The following SCFD1 variants were observed in gnomAD, a reference collection of about 807,000 sequenced individuals.
SCFD1 encodes sec1 family domain-containing protein 1.
A neutral mutation model predicts 103.2 loss-of-function variants in SCFD1; 37 were observed. That is an observed-to-expected ratio of 0.36 (90% CI 0.28 to 0.47). The LOEUF (loss-of-function observed/expected upper bound fraction) is 0.47. SCFD1 is among the 20% of genes least tolerant of loss of function. SCFD1 has a pLI of 1.00. For missense variants in SCFD1, 639 were observed against 761.2 expected (o/e 0.84, Z 1.89); for synonymous variants, 264 against 245.0 (o/e 1.08, Z -0.73).
At chr14:30,728,835 T>TC (rs1893234436) in intron 23 of SCFD1, among the ~76,000 whole-genome samples, 1 of 141,992 alleles carries the variant, frequency 7.0e-6, no homozygotes, top group African/African-American at 2.7e-5. Context: ...AGATCCTTTG[T>TC]CCCTTTTTTT....
intron 14 of SCFD1, 21 bp downstream of exon 14, chr14:30,675,086 C>T (rs768397242): frequency 7.3e-7 from 1 of 1,367,988 alleles, no homozygotes; most frequent in Non-Finnish European, 1.0e-6. Context: ...CTTTTTCCCC[C>T]CCACAATATG....
intron 3 of SCFD1, among the ~76,000 whole-genome samples, chr14:30,632,649 T>C (rs1305122044): frequency 6.6e-6 from 1 of 152,190 alleles, no homozygotes; most frequent in East Asian, 1.9e-4. Flanking sequence ...TTGAGTGCCA[T>C]TGTCTCTGTA....
At position 30,735,626 on chromosome 14, in the gene SCFD1, T is replaced by TATGA. The variant is rs748031959; in HGVS notation, c.*18_*21dup. The TATGA allele has an allele frequency of 6.0e-5, 95 of 1,571,014 alleles. No homozygotes were observed. In the African/African-American group the frequency reaches 1.2e-3, roughly 19 times the overall value. ...CAAAAGTAACACAGAAGAACCTTAC[T>TATGA]ATGATAATCTACTTGGAATGTGGAT... On this transcript the variant is annotated 3_prime_UTR_variant, in exon 25 of 25. Coordinates refer to ENST00000458591, the MANE Select transcript of SCFD1 (RefSeq NM_016106.4).
At chr14:30,658,711 C>T (rs1411449143) in intron 10 of SCFD1, among the ~76,000 whole-genome samples, 1 of 152,054 alleles carries the variant, frequency 6.6e-6, no homozygotes, top group African/African-American at 2.4e-5. Flanking sequence ...AGCTAATGCA[C>T]CTAGCTAAGG....
At chr14:30,735,005 G>A (rs1893739640) in intron 24 of SCFD1, 147 bp downstream of exon 24, 1 of 595,438 alleles carries the variant, frequency 1.7e-6, no homozygotes, top group Non-Finnish European at 3.0e-6. Flanking sequence ...TGTTTTCATG[G>A]ACGACTAAGA....
At chr14:30,667,352 A>G (rs1448790574) in intron 10 of SCFD1, among the ~76,000 whole-genome samples, 5 of 152,248 alleles carry the variant, frequency 3.3e-5, no homozygotes, top group South Asian at 2.1e-4. Flanking sequence ...ACAAAATTCA[A>G]CAGCCCTTCA....
intron 23 of SCFD1, among the ~76,000 whole-genome samples, chr14:30,730,907 A>G (rs1361025231): frequency 6.6e-6 from 1 of 152,092 alleles, no homozygotes; most frequent in East Asian, 1.9e-4. Flanking sequence ...TTGGTGTTTT[A>G]GACATGAAGT....
chr14:30,734,906 C>A, intron 24 of SCFD1, 48 bp downstream of exon 24: 1 of 1,416,018 alleles, frequency 7.1e-7, no homozygotes, highest in Non-Finnish European at 1.0e-6. Context: ...CCCCTAGTTG[C>A]TATTGGTATT....
At chr14:30,714,541 A>G (rs1446816474) in intron 19 of SCFD1, among the ~76,000 whole-genome samples, 3 of 152,226 alleles carry the variant, frequency 2.0e-5, no homozygotes, top group Non-Finnish European at 4.4e-5. Context: ...CAATCTTAAA[A>G]GGTTTTCACT....
chr14:30,718,515 C>G (rs932719035), intron 20 of SCFD1, among the ~76,000 whole-genome samples: 57 of 152,220 alleles, frequency 3.7e-4, no homozygotes, highest in African/African-American at 1.3e-3. Context: ...CCTGCATTAT[C>G]ATCCTTCTCC....
intron 10 of SCFD1, among the ~76,000 whole-genome samples, chr14:30,655,169 G>A (rs1179354383): frequency 1.3e-5 from 2 of 152,194 alleles, no homozygotes; most frequent in Admixed American, 6.5e-5. Flanking sequence ...ATGGTGAACA[G>A]GAGTGAAATT....
intron 16 of SCFD1, among the ~76,000 whole-genome samples, chr14:30,701,585 G>T (rs906607370): frequency 6.6e-6 from 1 of 151,956 alleles, no homozygotes; most frequent in Admixed American, 6.6e-5. Flanking sequence ...ATCAACAGGG[G>T]TTTACCTATA....
intron 20 of SCFD1, 108 bp from the exon 21 acceptor site, chr14:30,719,217 A>G: frequency 4.1e-6 from 3 of 725,078 alleles, no homozygotes; most frequent in Non-Finnish European, 4.8e-6. Flanking sequence ...GATGGTTGTT[A>G]TACATTCTAC....
intron 23 of SCFD1, among the ~76,000 whole-genome samples, chr14:30,729,279 G>C (rs1404028198): frequency 6.6e-6 from 1 of 151,214 alleles, no homozygotes; most frequent in Non-Finnish European, 1.5e-5. Context: ...TTTTTCTTTT[G>C]TTGCCTGGGC....
intron 6 of SCFD1, among the ~76,000 whole-genome samples, chr14:30,640,252 G>A (rs1885136064): frequency 6.6e-6 from 1 of 152,128 alleles, no homozygotes; most frequent in Non-Finnish European, 1.5e-5. Context: ...GGAACCAGAT[G>A]ATAAGCTCCC....
rs1479082425 is a variant in SCFD1, at chr14:30,679,683, C to CCT, written c.1242+4618_1242+4619insCT. Among the ~76,000 whole-genome samples the CCT allele has an allele frequency of 4.9e-3, 725 of 147,014 alleles. 7 individuals are homozygous for CCT. The highest frequency in any genetic ancestry group is 0.017 in the African/African-American group (665 of 39,768). On this transcript the variant is annotated intron_variant, in intron 14 of 24. Transcript: ENST00000458591. ...CTGTTTTATTCTTCACATAAACTGA[C>CCT]TTTTTTTTTTTTTTTAACATTAACT...
At chr14:30,622,306 T>C, upstream of SCFD1, 1 of 1,593,802 alleles carries the variant, frequency 6.3e-7, no homozygotes, top group Non-Finnish European at 8.5e-7. Flanking sequence ...CCCGCTCCGC[T>C]CCCCAGCCGG....
At chr14:30,683,189 T>TGTTCTGGATGGAGAGC in intron 14 of SCFD1, 1 of 1,096,874 alleles carries the variant, frequency 9.1e-7, no homozygotes, top group Non-Finnish European at 1.3e-6. Context: ...AGATGGAGAG[T>TGTTCTGGATGGAGAGC]GTTCTGGATG....
intron 14 of SCFD1, among the ~76,000 whole-genome samples, chr14:30,684,609 C>G (rs2139272248): frequency 6.6e-6 from 1 of 151,576 alleles, no homozygotes; most frequent in East Asian, 1.9e-4. Context: ...ATAGAATGTC[C>G]TTCTAAAAGG....
Sources: gnomAD v4.1 joint callset for allele counts (sites outside exome capture counted in the v4.1 genomes callset) on GRCh38, gnomAD v4.1.1 for gene constraint, MANE v1.5 for transcripts, NCBI Gene and HGNC (gene_info 2026-07-23, HGNC 2026-07-21) for gene names.